Variants in THSD4 observed in about 807,000 individuals in gnomAD.
The protein encoded by THSD4 is thrombospondin type-1 domain-containing protein 4.
In THSD4, 69 loss-of-function variants were observed where a neutral mutation model predicts 119.0. The ratio of observed to expected loss-of-function variants is 0.58; its 90% CI spans 0.48 to 0.71. The LOEUF (loss-of-function observed/expected upper bound fraction) is 0.71. Among genes scored for constraint, THSD4 ranks in the 30% least tolerant of loss-of-function variants. THSD4 has a pLI of 0.00. For missense variants in THSD4, 1,393 were observed against 1,391.1 expected (o/e 1.00, Z -0.02); for synonymous variants, 524 against 540.4 (o/e 0.97, Z 0.42).
At chr15:71,704,522 C>T (rs572095879) in intron 8 of THSD4, among the ~76,000 whole-genome samples, 1 of 152,334 alleles carries the variant, frequency 6.6e-6, no homozygotes, top group East Asian at 1.9e-4. Flanking sequence ...ATGATGGTGA[C>T]ACCTCCCCAG....
At chr15:71,132,733 G>A (rs898541617) in intron 1 of THSD4, among the ~76,000 whole-genome samples, 1 of 152,332 alleles carries the variant, frequency 6.6e-6, no homozygotes, top group African/African-American at 2.4e-5. Context: ...AATGAATGTG[G>A]TGTTTACTGT....
At chr15:71,648,185 T>C (rs117436466) in intron 7 of THSD4, among the ~76,000 whole-genome samples, 4,647 of 152,318 alleles carry the variant, frequency 0.031, 112 homozygotes, top group Non-Finnish European at 0.045. Context: ...ATAGTAATTC[T>C]TACCTCCTGG....
intron 7 of THSD4, among the ~76,000 whole-genome samples, chr15:71,451,553 G>T (rs1038613481): frequency 6.6e-6 from 1 of 152,200 alleles, no homozygotes; most frequent in Non-Finnish European, 1.5e-5. Flanking sequence ...ATATTTTGGG[G>T]TGGCATTTCC....
intron 7 of THSD4, among the ~76,000 whole-genome samples, chr15:71,621,005 A>G (rs2050409889): frequency 1.3e-5 from 2 of 152,198 alleles, no homozygotes; most frequent in Non-Finnish European, 2.9e-5. Context: ...GACGTTGGAC[A>G]AGATGATTTC....
chr15:71,395,117 G>A (rs1043505314), intron 6 of THSD4, among the ~76,000 whole-genome samples: 4 of 152,176 alleles, frequency 2.6e-5, no homozygotes, highest in Non-Finnish European at 4.4e-5. Context: ...TGAAGAGGGC[G>A]GTGTCCTTGA....
intron 7 of THSD4, among the ~76,000 whole-genome samples, chr15:71,457,305 A>G (rs991165613): frequency 6.8e-6 from 1 of 146,034 alleles, no homozygotes; most frequent in East Asian, 2.1e-4. Flanking sequence ...GCTTGAGCCC[A>G]GGAAGCAGAG....
At chr15:71,432,669 A>G (rs2046958027) in intron 7 of THSD4, among the ~76,000 whole-genome samples, 1 of 152,128 alleles carries the variant, frequency 6.6e-6, no homozygotes, top group Non-Finnish European at 1.5e-5. Context: ...AATCTTATAA[A>G]TAAACCTATC....
At chr15:71,202,983 G>T (rs1309696992) in intron 3 of THSD4, among the ~76,000 whole-genome samples, 1 of 152,200 alleles carries the variant, frequency 6.6e-6, no homozygotes, top group East Asian at 1.9e-4. Flanking sequence ...TGCTGGTGGG[G>T]ACGTAGCTGT....
chr15:71,538,756 T>C (rs2048719783), intron 7 of THSD4, among the ~76,000 whole-genome samples: 1 of 152,218 alleles, frequency 6.6e-6, no homozygotes. Flanking sequence ...TGAGAACCTC[T>C]GCCTTAGAGC....
chr15:71,480,886 T>G (rs2047720569), intron 7 of THSD4, among the ~76,000 whole-genome samples: 1 of 152,216 alleles, frequency 6.6e-6, no homozygotes, highest in African/African-American at 2.4e-5. Flanking sequence ...ATCTTCATTT[T>G]TCATTGTAAA....
upstream of THSD4, chr15:71,113,461 A>T (rs1247589037): frequency 2.0e-5 from 3 of 152,210 alleles, no homozygotes; most frequent in Non-Finnish European, 4.4e-5. Context: ...TTATTTCAAA[A>T]TTAAAAAATA....
intron 7 of THSD4, among the ~76,000 whole-genome samples, chr15:71,548,754 A>T (rs1038355379): frequency 1.3e-5 from 2 of 152,032 alleles, no homozygotes; most frequent in African/African-American, 4.8e-5. Flanking sequence ...TTCCCTGTTG[A>T]TTTTTTTCGT....
intron 6 of THSD4, among the ~76,000 whole-genome samples, chr15:71,371,331 C>A (rs1044920632): frequency 2.0e-5 from 3 of 152,086 alleles, no homozygotes; most frequent in Non-Finnish European, 2.9e-5. Context: ...ATGATGTTAG[C>A]TGGTTATTTT....
intron 3 of THSD4, among the ~76,000 whole-genome samples, chr15:71,198,424 CCTTT>C (rs2043738928): frequency 6.6e-6 from 1 of 152,212 alleles, no homozygotes; most frequent in Admixed American, 6.5e-5. Flanking sequence ...AGCTCTGTCC[CCTTT>C]CTTTGTAGTG....
At chr15:71,561,921 AACACT>A (rs1567037695) in intron 7 of THSD4, among the ~76,000 whole-genome samples, 71 of 21,752 alleles carry the variant, frequency 3.3e-3, no homozygotes, top group African/African-American at 0.022. Flanking sequence ...CACACACACA[AACACT>A]CACTCACTCT....
intron 8 of THSD4, among the ~76,000 whole-genome samples, chr15:71,717,754 C>T (rs918308689): frequency 1.5e-4 from 23 of 152,060 alleles, no homozygotes; most frequent in Non-Finnish European, 2.5e-4. Context: ...TTGAACAAGA[C>T]CCCCCACCAC....
intron 5 of THSD4, among the ~76,000 whole-genome samples, chr15:71,253,305 G>A (rs1366233870): frequency 6.6e-6 from 1 of 152,204 alleles, no homozygotes; most frequent in Non-Finnish European, 1.5e-5. Flanking sequence ...AGAGCACCAG[G>A]CATTAGTGGA....
At chr15:71,547,860 T>C (rs1282085443) in intron 7 of THSD4, 2 of 161,638 alleles carry the variant, frequency 1.2e-5, no homozygotes, top group South Asian at 1.9e-4. Flanking sequence ...GCAGAGAGAA[T>C]GTACATGCTA....
chr15:71,657,537 G>A lies in THSD4; in HGVS notation c.1153-2993G>A, dbSNP rs539263152. On this transcript the variant is annotated intron_variant, in intron 7 of 17. Coordinates refer to ENST00000261862, the MANE Select transcript of THSD4 (RefSeq NM_024817.3). ...TCTGGAGTTGTCCCTCTTGCTTTGT[G>A]AAGTAAAGGAGAGATATTTGGTAAC... 1.8e-3 allele frequency among the ~76,000 whole-genome samples: 268 copies of A among 152,312 alleles called. 3 individuals are homozygous for A. Among genetic ancestry groups the A allele is most frequent in the African/African-American group, 6.3e-3 (263 of 41,576 alleles).
Sources: gnomAD v4.1 joint callset for allele counts (sites outside exome capture counted in the v4.1 genomes callset) on GRCh38, gnomAD v4.1.1 for gene constraint, MANE v1.5 for transcripts, NCBI Gene and HGNC (gene_info 2026-07-23, HGNC 2026-07-21) for gene names.